Variants in KHDRBS2 observed in about 807,000 individuals in gnomAD.
KHDRBS2 encodes KH domain-containing, RNA-binding, signal transduction-associated protein 2.
KHDRBS2 carries 26 observed loss-of-function variants against 44.3 expected under a neutral mutation model. The ratio of observed to expected loss-of-function variants is 0.59; its 90% confidence interval spans 0.43 to 0.81. The LOEUF (loss-of-function observed/expected upper bound fraction) is 0.81, where lower values mean the gene tolerates loss of function less well. Ranked by LOEUF, KHDRBS2 falls within the 40% of genes least tolerant of loss-of-function variation. KHDRBS2 has a pLI of 0.00. For synonymous variants in KHDRBS2, 194 were observed against 151.1 expected, an observed-to-expected ratio of 1.28 and a Z score of -2.08; for missense variants, 476 against 433.1, an observed-to-expected ratio of 1.10 and a Z score of -0.88.
chr6:61,940,244 A>C (rs1468767602), intron 4 of KHDRBS2, among the ~76,000 whole-genome samples: 78 of 39,760 alleles, frequency 2.0e-3, no homozygotes, highest in African/African-American at 6.7e-3. Flanking sequence ...TAAAAGTTCA[A>C]AAAAAAAAAA....
intron 2 of KHDRBS2, among the ~76,000 whole-genome samples, chr6:62,059,220 T>TTG (rs1791092384): frequency 7.8e-6 from 1 of 128,026 alleles, no homozygotes; most frequent in Non-Finnish European, 1.6e-5. Context: ...TTTTTTTTTT[T>TTG]TTTTTTTTTT....
rs537863583 is a variant in KHDRBS2 at position 61,773,761 on chromosome 6, G to A, written c.811-40997C>T. 1.6e-4 allele frequency among the ~76,000 whole-genome samples: 25 copies of A among 151,776 alleles called. No homozygotes were observed. In the East Asian group the frequency reaches 2.7e-3, roughly 16 times the overall value. On this transcript the variant is annotated intron_variant, in intron 6 of 8. Coordinates refer to ENST00000281156, the MANE Select transcript of KHDRBS2 (RefSeq NM_152688.4). Reference sequence around the variant, plus strand: ...GGTAATGCCTACGTTTTCTTCTAGGGTTTTTATGGTTTTAGGTCTAATGTT... The same window carrying A: ...GGTAATGCCTACGTTTTCTTCTAGGATTTTTATGGTTTTAGGTCTAATGTT...
At chr6:61,982,539 C>T (rs9453843) in intron 3 of KHDRBS2, among the ~76,000 whole-genome samples, 3,481 of 151,884 alleles carry the variant, frequency 0.023, 144 homozygotes, top group African/African-American at 0.08. Context: ...GGCGTGGTGG[C>T]GCATGCCTGT....
At chr6:62,228,432 G>A (rs966726611) in intron 1 of KHDRBS2, among the ~76,000 whole-genome samples, 1 of 151,854 alleles carries the variant, frequency 6.6e-6, no homozygotes, top group African/African-American at 2.4e-5. Flanking sequence ...TATTAGTCTA[G>A]CTAGGAGTCT....
the KHDRBS2 span, among the ~76,000 whole-genome samples, chr6:61,666,847 T>G: frequency 2.0e-5 from 3 of 151,488 alleles, no homozygotes; most frequent in African/African-American, 7.2e-5. Context: ...TGGACAGAGA[T>G]AAATTAGATC....
At chr6:61,908,232 C>T (rs1805381241) in intron 4 of KHDRBS2, among the ~76,000 whole-genome samples, 2 of 151,924 alleles carry the variant, frequency 1.3e-5, no homozygotes, top group South Asian at 4.2e-4. Context: ...AAATATTTAC[C>T]TAAGTATGTG....
Position 61,816,094 on chromosome 6 carries a change from AAAC to A in KHDRBS2, c.810+78538_810+78540del, listed in dbSNP as rs141895593. Among the ~76,000 whole-genome samples the A allele has an allele frequency of 9.4e-4, 143 of 152,250 alleles. 5 individuals are homozygous for A. In the East Asian group the frequency reaches 0.025, roughly 26 times the overall value. On this transcript the variant is annotated intron_variant, in intron 6 of 8. Transcript: ENST00000281156. ...GTATCCCTTAGACTTCTATTTGTTAAAACAATAACTAAATTTGAGTTAAATAAT... is the reference window on the plus strand; with the variant it reads ...GTATCCCTTAGACTTCTATTTGTTAAAATAACTAAATTTGAGTTAAATAAT...
At chr6:62,110,837 A>G (rs1804831437) in intron 2 of KHDRBS2, among the ~76,000 whole-genome samples, 1 of 152,030 alleles carries the variant, frequency 6.6e-6, no homozygotes, top group Non-Finnish European at 1.5e-5. Context: ...AATATGTAAA[A>G]TCTTACCAAG....
chr6:62,252,013 TAGG>T (rs1461367867), intron 1 of KHDRBS2, among the ~76,000 whole-genome samples: 2 of 151,876 alleles, frequency 1.3e-5, no homozygotes, highest in Non-Finnish European at 2.9e-5. Context: ...ATAGCTTCCC[TAGG>T]AGGAGGAGAA....
chr6:61,736,212 T>TCTCACACA (rs1554184355), intron 6 of KHDRBS2, among the ~76,000 whole-genome samples: 1 of 135,562 alleles, frequency 7.4e-6, no homozygotes, highest in Non-Finnish European at 1.6e-5. Context: ...TTACTTTACT[T>TCTCACACA]CACACACACA....
At chr6:61,961,350 AGAAGGTGAT>A (rs1212629001) in intron 4 of KHDRBS2, among the ~76,000 whole-genome samples, 6 of 151,818 alleles carry the variant, frequency 4.0e-5, no homozygotes, top group Non-Finnish European at 2.9e-5. Context: ...AAGGTGGTTT[AGAAGGTGAT>A]GAGTGTGAAA....
chr6:61,702,706 A>G (rs1768885905), intron 7 of KHDRBS2, among the ~76,000 whole-genome samples: 3 of 151,960 alleles, frequency 2.0e-5, no homozygotes, highest in South Asian at 2.1e-4. Context: ...CAATTGGAAC[A>G]GTAAAACAAA....
At chr6:61,769,072 A>T (rs1780432236) in intron 6 of KHDRBS2, among the ~76,000 whole-genome samples, 1 of 152,202 alleles carries the variant, frequency 6.6e-6, no homozygotes, top group African/African-American at 2.4e-5. Context: ...GCTCAGATAA[A>T]GAGAATGGTC....
At chr6:61,553,257 C>T in the KHDRBS2 span, among the ~76,000 whole-genome samples, 2 of 152,172 alleles carry the variant, frequency 1.3e-5, no homozygotes, top group South Asian at 4.2e-4. Context: ...AGGAATCTAT[C>T]CATTTATCCT....
intron 4 of KHDRBS2, among the ~76,000 whole-genome samples, chr6:61,967,932 G>GTATA (rs369326330): frequency 0.017 from 1,946 of 116,818 alleles, 15 homozygotes; most frequent in East Asian, 0.026. Context: ...ATACACACAC[G>GTATA]TATATATATA....
At chr6:62,012,833 C>A (rs900869555) in intron 3 of KHDRBS2, among the ~76,000 whole-genome samples, 8 of 152,200 alleles carry the variant, frequency 5.3e-5, no homozygotes, top group Non-Finnish European at 1.0e-4. Context: ...GCACTACTCA[C>A]AACCTGAGGC....
At chr6:62,125,300 T>C (rs1214468920) in intron 2 of KHDRBS2, among the ~76,000 whole-genome samples, 2 of 152,098 alleles carry the variant, frequency 1.3e-5, no homozygotes, top group Non-Finnish European at 2.9e-5. Context: ...AGTGGGAGGA[T>C]TTAGACCTAC....
chr6:61,899,227 C>T (rs983639890), intron 5 of KHDRBS2, among the ~76,000 whole-genome samples: 39 of 151,822 alleles, frequency 2.6e-4, no homozygotes, highest in Admixed American at 2.5e-3. Flanking sequence ...ATATTCCATA[C>T]TTTATATTGT....
chr6:62,112,225 A>G (rs1191139461), intron 2 of KHDRBS2, among the ~76,000 whole-genome samples: 3 of 152,120 alleles, frequency 2.0e-5, no homozygotes, highest in Non-Finnish European at 4.4e-5. Context: ...ACTAAGCCAG[A>G]GCTACTAAAG....
Sources: gnomAD v4.1 joint callset for allele counts (sites outside exome capture counted in the v4.1 genomes callset) on GRCh38, gnomAD v4.1.1 for gene constraint, MANE v1.5 for transcripts, NCBI Gene and HGNC (gene_info 2026-07-23, HGNC 2026-07-21) for gene names.